Variants in GRIN2A observed in about 807,000 individuals in gnomAD.
GRIN2A encodes the protein glutamate ionotropic receptor NMDA type subunit 2A.
In GRIN2A, 22 loss-of-function variants were observed where a neutral mutation model predicts 113.4. The ratio of observed to expected loss-of-function variants is 0.19; its 90% CI spans 0.14 to 0.28. The LOEUF is 0.28. GRIN2A is among the 10% of genes least tolerant of loss of function. The probability of loss-of-function intolerance (pLI) is 1.00; values close to 1 mark genes in which losing one functional copy is unlikely to be tolerated. For missense variants in GRIN2A, 1,502 were observed against 1,887.0 expected, an observed-to-expected ratio of 0.80 and a Z score of 3.78; for synonymous variants, 827 against 738.4, an observed-to-expected ratio of 1.12 and a Z score of -1.94.
intron 2 of GRIN2A, among the ~76,000 whole-genome samples, chr16:10,127,332 A>T (rs937286668): frequency 6.6e-6 from 1 of 152,088 alleles, no homozygotes; most frequent in African/African-American, 2.4e-5. Context: ...GCATCCATGA[A>T]AATGTGGAGC....
At chr16:10,033,565 C>T (rs1187277730) in intron 2 of GRIN2A, 1 of 152,210 alleles carries the variant, frequency 6.6e-6, no homozygotes, top group East Asian at 1.9e-4. Context: ...CGTAATCCCT[C>T]CAAACCTGTT....
At chr16:9,852,622 A>AGTTCT (rs1434883507) in intron 4 of GRIN2A, among the ~76,000 whole-genome samples, 1 of 152,156 alleles carries the variant, frequency 6.6e-6, no homozygotes, top group African/African-American at 2.4e-5. Context: ...CTCGATCAGG[A>AGTTCT]GCTGAAGCTG....
intron 2 of GRIN2A, among the ~76,000 whole-genome samples, chr16:9,960,994 T>G (rs973103032): frequency 3.3e-5 from 5 of 152,320 alleles, no homozygotes; most frequent in East Asian, 1.9e-4. Context: ...TCAAGCGAGT[T>G]TGTTATTGTT....
chr16:9,835,901 A>G (rs887058534), intron 7 of GRIN2A, among the ~76,000 whole-genome samples: 1 of 152,226 alleles, frequency 6.6e-6, no homozygotes, highest in Non-Finnish European at 1.5e-5. Context: ...AATGCATTTG[A>G]TAGTGCAAAT....
intron 2 of GRIN2A, among the ~76,000 whole-genome samples, chr16:10,027,224 G>A (rs1047798427): frequency 1.3e-5 from 2 of 152,216 alleles, no homozygotes; most frequent in Admixed American, 6.5e-5. Context: ...CACATAAAGT[G>A]TAAGGGATCT....
chr16:9,817,113 C>A (rs1393422549), intron 10 of GRIN2A, among the ~76,000 whole-genome samples: 1 of 152,190 alleles, frequency 6.6e-6, no homozygotes, highest in African/African-American at 2.4e-5. Context: ...CTATGCCTTT[C>A]TTCAAAAAAT....
At chr16:10,130,675 A>C (rs1202713593) in intron 2 of GRIN2A, among the ~76,000 whole-genome samples, 5 of 152,222 alleles carry the variant, frequency 3.3e-5, no homozygotes, top group Non-Finnish European at 4.4e-5. Flanking sequence ...ATCTAATTCA[A>C]CAATGTTGAG....
chr16:9,831,854 C>T (rs1253522669), intron 8 of GRIN2A, among the ~76,000 whole-genome samples: 3 of 151,910 alleles, frequency 2.0e-5, no homozygotes, highest in Admixed American at 2.0e-4. Context: ...GACATGCTTC[C>T]CATGGTCAAT....
At chr16:9,891,752 A>T (rs764170994) in intron 3 of GRIN2A, among the ~76,000 whole-genome samples, 7 of 152,204 alleles carry the variant, frequency 4.6e-5, no homozygotes, top group Non-Finnish European at 7.3e-5. Flanking sequence ...GCAAGAAAAG[A>T]CACAAACAGG....
chr16:9,891,890 C>G (rs1237517226), intron 3 of GRIN2A, among the ~76,000 whole-genome samples: 1 of 152,072 alleles, frequency 6.6e-6, no homozygotes, highest in South Asian at 2.1e-4. Flanking sequence ...TGAATAGGAA[C>G]AGAAAGTGCA....
intron 10 of GRIN2A, among the ~76,000 whole-genome samples, chr16:9,816,043 G>A (rs1217118230): frequency 1.3e-5 from 2 of 152,206 alleles, no homozygotes; most frequent in African/African-American, 4.8e-5. Flanking sequence ...ACTTAGATGA[G>A]GTACTTAGAG....
At chr16:9,826,945 CT>C (rs768679563) in intron 9 of GRIN2A, among the ~76,000 whole-genome samples, 1 of 152,244 alleles carries the variant, frequency 6.6e-6, no homozygotes. Context: ...CTGCCAACCA[CT>C]TTCTTGAAAA....
chr16:10,021,973 A>G (rs1190372915), intron 2 of GRIN2A, among the ~76,000 whole-genome samples: 1 of 152,138 alleles, frequency 6.6e-6, no homozygotes, highest in Non-Finnish European at 1.5e-5. Context: ...CTCATTAGTA[A>G]AATGAGAGTA....
In GRIN2A at chr16:10,164,424, A is replaced by T. The variant is rs529559540; in HGVS notation, c.414+15574T>A. Among the ~76,000 whole-genome samples the T allele has an allele frequency of 2.0e-5, 3 of 152,348 alleles. No individual in the cohort carries two copies. In the East Asian group the frequency reaches 5.8e-4, roughly 29 times the overall value. ...CCTCTGCTTTTTTAGAGAAAGGAACAAACAAGGGCTTCCCATCCCTACCGT... is the reference window on the plus strand; with the variant it reads ...CCTCTGCTTTTTTAGAGAAAGGAACTAACAAGGGCTTCCCATCCCTACCGT... On this transcript the variant is annotated intron_variant, in intron 2 of 12. Coordinates refer to ENST00000330684, the MANE Select transcript of GRIN2A (RefSeq NM_001134407.3).
At chr16:9,946,242 G>A (rs975301427) in intron 2 of GRIN2A, among the ~76,000 whole-genome samples, 1 of 152,268 alleles carries the variant, frequency 6.6e-6, no homozygotes, top group African/African-American at 2.4e-5. Flanking sequence ...GTGAGCATCT[G>A]ACTCCACGCT....
chr16:9,805,546 A>C (rs1478309504), intron 10 of GRIN2A: 2 of 152,198 alleles, frequency 1.3e-5, no homozygotes, highest in East Asian at 1.9e-4. Context: ...TGTTTGGGCA[A>C]CTGTGGAACA....
rs2141107061 is a variant in GRIN2A at position 9,754,501 on chromosome 16, C to A, written c.*8648G>T. 2 of 211,728 alleles carry A rather than the reference C, an allele frequency of 9.4e-6. No individual in the cohort carries two copies. Among genetic ancestry groups the A allele is most frequent in the South Asian group, 3.8e-4 (2 of 5,330 alleles). 13.1% of individuals were successfully genotyped at this position (211,728 alleles called of 1,614,324 possible). ...GTTAAAAGTTCCACTTTCATCTTTTCAAATTCATCAAAAATTTCAAACAAG... is the reference window on the plus strand; with the variant it reads ...GTTAAAAGTTCCACTTTCATCTTTTAAAATTCATCAAAAATTTCAAACAAG... On this transcript the variant is annotated 3_prime_UTR_variant, in exon 13 of 13. Coordinates refer to ENST00000330684, the MANE Select transcript of GRIN2A (RefSeq NM_001134407.3).
In GRIN2A at chr16:9,755,316, C is replaced by A. The variant is rs1488292248; in HGVS notation, c.*7833G>T. 1 of 186,456 alleles carries A rather than the reference C, an allele frequency of 5.4e-6. No homozygotes were observed. Among genetic ancestry groups the A allele is most frequent in the Non-Finnish European group, 1.1e-5 (1 of 88,310 alleles). The allele number at this position is 186,456 out of a possible 1,614,324, so 11.6% of individuals were successfully genotyped here. A position where few individuals can be genotyped will look rare whatever the true frequency, so the allele number is the denominator to read the frequency against. Reference sequence around the variant, plus strand: ...AGAGAAGAAATGCTATTGGTCAAATCGTTCTTTGGAGTGCTCCATTTCTGC... The same window carrying A: ...AGAGAAGAAATGCTATTGGTCAAATAGTTCTTTGGAGTGCTCCATTTCTGC... On this transcript the variant is annotated 3_prime_UTR_variant, in exon 13 of 13. Transcript: ENST00000330684.
Position 9,757,518 on chromosome 16 carries a change from C to G in GRIN2A, c.*5631G>C, listed in dbSNP as rs997921951. The G allele has an allele frequency of 1.7e-5, 4 of 228,648 alleles. No homozygotes were observed. The highest frequency in any genetic ancestry group is 1.7e-4 in the Admixed American group (3 of 17,588). The allele number at this position is 228,648 out of a possible 1,614,324, so 14.2% of individuals were successfully genotyped here. On this transcript the variant is annotated 3_prime_UTR_variant, in exon 13 of 13. Transcript: ENST00000330684. ...TGTATTAGAGAACTGAACTTCTAAA[C>G]CATAAGCTACTTATGGGAAGAGACT...
Sources: gnomAD v4.1 joint callset for allele counts (sites outside exome capture counted in the v4.1 genomes callset) on GRCh38, gnomAD v4.1.1 for gene constraint, MANE v1.5 for transcripts, NCBI Gene and HGNC (gene_info 2026-07-23, HGNC 2026-07-21) for gene names.